Variants in SDK1 observed in about 807,000 individuals in gnomAD.
SDK1 encodes protein sidekick-1.
A neutral mutation model predicts 245.5 loss-of-function variants in SDK1; 157 were observed. The observed-to-expected ratio is 0.64, with a 90% CI of 0.56 to 0.73. The LOEUF (loss-of-function observed/expected upper bound fraction) is 0.73. SDK1 is among the 30% of genes least tolerant of loss of function. The probability of loss-of-function intolerance (pLI) is 0.00; values close to 1 mark genes in which losing one functional copy is unlikely to be tolerated. For missense variants in SDK1, 3,583 were observed against 3,002.3 expected (o/e 1.19, Z -4.52); for synonymous variants, 1,647 against 1,278.5 (o/e 1.29, Z -6.15).
At chr7:3,883,133 C>A (rs1385753182) in intron 5 of SDK1, among the ~76,000 whole-genome samples, 1 of 152,144 alleles carries the variant, frequency 6.6e-6, no homozygotes, top group East Asian at 1.9e-4. Context: ...GCCTAGAGGT[C>A]TTCTGAGGAT....
intron 4 of SDK1, among the ~76,000 whole-genome samples, chr7:3,700,178 A>G (rs1196390273): frequency 6.6e-6 from 1 of 152,242 alleles, no homozygotes; most frequent in South Asian, 2.1e-4. Flanking sequence ...TGTTTCTATA[A>G]TACCTACCCT....
intron 14 of SDK1, among the ~76,000 whole-genome samples, chr7:3,997,189 C>T (rs1283295353): frequency 6.6e-6 from 1 of 152,150 alleles, no homozygotes; most frequent in African/African-American, 2.4e-5. Context: ...CTTTTCCAGC[C>T]AGAAACCTCT....
At chr7:3,341,377 G>C (rs1780343911) in intron 1 of SDK1, among the ~76,000 whole-genome samples, 1 of 152,072 alleles carries the variant, frequency 6.6e-6, no homozygotes, top group Non-Finnish European at 1.5e-5. Context: ...TCTAACAAAA[G>C]CCTTCTCCAG....
At chr7:4,014,108 G>A (rs1786201583) in intron 16 of SDK1, among the ~76,000 whole-genome samples, 1 of 152,222 alleles carries the variant, frequency 6.6e-6, no homozygotes, top group Admixed American at 6.5e-5. Flanking sequence ...GCACAGGCCT[G>A]TCATCCCTCT....
chr7:4,056,594 C>T (rs1399394339), intron 19 of SDK1, among the ~76,000 whole-genome samples: 2 of 152,082 alleles, frequency 1.3e-5, no homozygotes, highest in Non-Finnish European at 2.9e-5. Flanking sequence ...CCCCGTGGTC[C>T]ACATTCCCAC....
intron 1 of SDK1, among the ~76,000 whole-genome samples, chr7:3,363,400 G>A (rs1422000301): frequency 6.6e-6 from 1 of 151,888 alleles, no homozygotes; most frequent in African/African-American, 2.4e-5. Flanking sequence ...CCATGTTTCG[G>A]TGGTTACAAA....
At chr7:3,392,871 A>G (rs180739476) in intron 1 of SDK1, among the ~76,000 whole-genome samples, 4 of 151,630 alleles carry the variant, frequency 2.6e-5, no homozygotes, top group Admixed American at 2.6e-4. Flanking sequence ...TTGTTGATGG[A>G]CACTTGGGTT....
intron 2 of SDK1, among the ~76,000 whole-genome samples, chr7:3,629,996 A>G (rs1782241222): frequency 1.3e-5 from 2 of 152,382 alleles, no homozygotes; most frequent in East Asian, 1.9e-4. Context: ...AATGTGTGAG[A>G]TAAACATTGG....
chr7:3,968,370 G>A (rs903046296), intron 10 of SDK1, among the ~76,000 whole-genome samples: 2 of 152,162 alleles, frequency 1.3e-5, no homozygotes, highest in Non-Finnish European at 2.9e-5. Context: ...ACATGGATGA[G>A]CTCCTCATAC....
At chr7:3,673,651 T>A (rs1783791288) in intron 4 of SDK1, among the ~76,000 whole-genome samples, 2 of 152,216 alleles carry the variant, frequency 1.3e-5, no homozygotes, top group African/African-American at 4.8e-5. Context: ...GCTAATGCAT[T>A]AGGTAGTTTC....
intron 1 of SDK1, among the ~76,000 whole-genome samples, chr7:3,521,448 C>G (rs546804317): frequency 6.6e-6 from 1 of 152,196 alleles, no homozygotes; most frequent in South Asian, 2.1e-4. Flanking sequence ...CATACTCTTT[C>G]TATCTGTTTA....
At chr7:3,867,899 T>G (rs1378169810) in intron 5 of SDK1, among the ~76,000 whole-genome samples, 1 of 152,234 alleles carries the variant, frequency 6.6e-6, no homozygotes, top group African/African-American at 2.4e-5. Flanking sequence ...GTTCTTTTTT[T>G]TTCATGGAAG....
chr7:4,137,637 T>C (rs1303894286), intron 28 of SDK1, among the ~76,000 whole-genome samples: 3 of 152,234 alleles, frequency 2.0e-5, no homozygotes, highest in Non-Finnish European at 4.4e-5. Context: ...CTTGCTCCTT[T>C]TAATGCTCAT....
intron 35 of SDK1, among the ~76,000 whole-genome samples, chr7:4,190,174 G>T (rs1276537310): frequency 6.6e-6 from 1 of 152,188 alleles, no homozygotes; most frequent in East Asian, 1.9e-4. Context: ...GACTCCACAG[G>T]CTGCACTGTC....
intron 1 of SDK1, among the ~76,000 whole-genome samples, chr7:3,310,308 AC>A (rs1779520571): frequency 6.6e-6 from 1 of 152,186 alleles, no homozygotes; most frequent in Non-Finnish European, 1.5e-5. Context: ...GGGGGAATAA[AC>A]CATTATTTTT....
At chr7:4,079,663 A>T in intron 22 of SDK1, 79 bp downstream of exon 22, 7 of 1,576,954 alleles carry the variant, frequency 4.4e-6, no homozygotes, top group Non-Finnish European at 6.1e-6. Flanking sequence ...ACCCCTGCAG[A>T]TGATGGCTTG....
chr7:3,604,146 T>G (rs1319300359), intron 1 of SDK1, among the ~76,000 whole-genome samples: 1 of 152,158 alleles, frequency 6.6e-6, no homozygotes, highest in Non-Finnish European at 1.5e-5. Flanking sequence ...AAAATTCTCT[T>G]TTTTGGTTGT....
intron 1 of SDK1, among the ~76,000 whole-genome samples, chr7:3,462,969 C>T (rs913709602): frequency 1.3e-5 from 2 of 152,188 alleles, no homozygotes; most frequent in Non-Finnish European, 1.5e-5. Context: ...TTTTACCTCC[C>T]TGGGCTACCC....
intron 4 of SDK1, among the ~76,000 whole-genome samples, chr7:3,820,531 A>C (rs1779619113): frequency 6.6e-6 from 1 of 152,252 alleles, no homozygotes; most frequent in South Asian, 2.1e-4. Flanking sequence ...GAAGGATCCC[A>C]TAAAACACCC....
Sources: allele counts gnomAD v4.1 joint callset (sites outside exome capture counted in the v4.1 genomes callset), GRCh38; gene constraint gnomAD v4.1.1; transcripts MANE v1.5; gene names NCBI Gene and HGNC (gene_info 2026-07-23, HGNC 2026-07-21).